Variants in PAMR1 observed in about 807,000 individuals in gnomAD.
PAMR1 encodes peptidase domain containing associated with muscle regeneration 1, also known as inactive serine protease PAMR1.
A neutral mutation model predicts 81.8 loss-of-function variants in PAMR1; 88 were observed. That is an observed-to-expected ratio of 1.08 (90% CI 0.91 to 1.28). The LOEUF is 1.28. Among genes scored for constraint, PAMR1 ranks in the 50% most tolerant of loss-of-function variants. The probability of loss-of-function intolerance (pLI) is 0.00; values close to 1 mark genes in which losing one functional copy is unlikely to be tolerated. For missense variants in PAMR1, 935 were observed against 919.7 expected, an observed-to-expected ratio of 1.02 and a Z score of -0.21; for synonymous variants, 336 against 345.3, an observed-to-expected ratio of 0.97 and a Z score of 0.30.
In PAMR1 at chr11:35,497,057, C is replaced by G. The variant is rs528585935; in HGVS notation, c.74-2785G>C. On this transcript the variant is annotated intron_variant, in intron 1 of 10. Transcript: ENST00000619888. Reference sequence around the variant, plus strand: ...TGGTGCACACCTGTAATCCCAGCTACTTAGGAGGCTGAGGCACGAGAATCG... The same window carrying G: ...TGGTGCACACCTGTAATCCCAGCTAGTTAGGAGGCTGAGGCACGAGAATCG... 5.3e-5 allele frequency among the ~76,000 whole-genome samples: 8 copies of G among 152,198 alleles called. No individual in the cohort carries two copies. The South Asian group carries it at 1.7e-3, about 32-fold the overall frequency.
intron 3 of PAMR1, among the ~76,000 whole-genome samples, chr11:35,482,195 CTTGAG>C (rs1396497295): frequency 2.6e-5 from 4 of 152,118 alleles, no homozygotes; most frequent in Admixed American, 2.6e-4. Flanking sequence ...TTTAATCCAC[CTTGAG>C]TTAATTTTTG....
In PAMR1 at chr11:35,448,933, A is replaced by G. The variant is rs115331007; in HGVS notation, c.821-7240T>C. 3.1e-3 allele frequency among the ~76,000 whole-genome samples: 468 copies of G among 152,182 alleles called. 1 individual carries two copies. The highest frequency in any genetic ancestry group is 0.011 in the African/African-American group (440 of 41,526). ...TTGCTGGAGGTCCACTCCAGACTCT[A>G]TTCACCTGGGTCCCTCCCACACCTG... On this transcript the variant is annotated intron_variant, in intron 6 of 10. Transcript: ENST00000619888.
At chr11:35,520,764 C>G (rs1851256311) in intron 1 of PAMR1, among the ~76,000 whole-genome samples, 1 of 152,186 alleles carries the variant, frequency 6.6e-6, no homozygotes, top group African/African-American at 2.4e-5. Context: ...TTTGCTTACA[C>G]CCCAAATCAA....
intron 6 of PAMR1, among the ~76,000 whole-genome samples, chr11:35,453,082 A>G (rs1260899758): frequency 6.6e-6 from 1 of 152,194 alleles, no homozygotes; most frequent in African/African-American, 2.4e-5. Context: ...AAAATTACAT[A>G]ATGTCCCCAA....
At chr11:35,458,048 T>G (rs1258655015) in intron 6 of PAMR1, among the ~76,000 whole-genome samples, 1 of 152,186 alleles carries the variant, frequency 6.6e-6, no homozygotes, top group Admixed American at 6.5e-5. Flanking sequence ...TGGGTTAGCA[T>G]GCACAGAAAT....
intron 6 of PAMR1, among the ~76,000 whole-genome samples, chr11:35,444,200 T>C (rs1206261783): frequency 6.6e-6 from 1 of 152,198 alleles, no homozygotes; most frequent in East Asian, 1.9e-4. Flanking sequence ...GGGATTTTTT[T>C]TTCTTGTAAA....
chr11:35,471,788 G>T (rs1404051187), intron 4 of PAMR1, among the ~76,000 whole-genome samples: 4 of 152,136 alleles, frequency 2.6e-5, no homozygotes, highest in African/African-American at 9.7e-5. Context: ...GGCAAGAGAG[G>T]CAAAAGCATT....
At chr11:35,437,383 C>T (rs1403746309) in intron 8 of PAMR1, among the ~76,000 whole-genome samples, 1 of 152,238 alleles carries the variant, frequency 6.6e-6, no homozygotes, top group East Asian at 1.9e-4. Flanking sequence ...GGTGTCCCCC[C>T]AATACCAATA....
intron 3 of PAMR1, among the ~76,000 whole-genome samples, chr11:35,485,217 T>C (rs1850476177): frequency 6.6e-6 from 1 of 151,792 alleles, no homozygotes; most frequent in Non-Finnish European, 1.5e-5. Flanking sequence ...AATCTAAGCA[T>C]CAAAAGAAAA....
intron 6 of PAMR1, among the ~76,000 whole-genome samples, chr11:35,457,688 A>C (rs1237534636): frequency 6.6e-6 from 1 of 152,138 alleles, no homozygotes; most frequent in Non-Finnish European, 1.5e-5. Flanking sequence ...TTTAGGTGAC[A>C]ATCTTAGGAA....
intron 8 of PAMR1, among the ~76,000 whole-genome samples, chr11:35,439,270 C>T (rs1236674435): frequency 2.6e-5 from 4 of 152,200 alleles, no homozygotes; most frequent in Non-Finnish European, 4.4e-5. Flanking sequence ...CTGTGTTTAA[C>T]AGAAATGTCA....
At chr11:35,471,330 G>A (rs1398746384) in intron 4 of PAMR1, among the ~76,000 whole-genome samples, 1 of 152,214 alleles carries the variant, frequency 6.6e-6, no homozygotes, top group Non-Finnish European at 1.5e-5. Context: ...CTTGAAGGCA[G>A]AGAGGAACAC....
intron 3 of PAMR1, among the ~76,000 whole-genome samples, chr11:35,491,382 G>A (rs1358860777): frequency 6.6e-6 from 1 of 152,228 alleles, no homozygotes; most frequent in Admixed American, 6.5e-5. Flanking sequence ...TCTGATTCAA[G>A]TTGGAAGCAT....
At chr11:35,489,359 T>G (rs10768140) in intron 3 of PAMR1, among the ~76,000 whole-genome samples, 82,645 of 152,056 alleles carry the variant, frequency 0.54, 26,299 homozygotes, top group Non-Finnish European at 0.7. Context: ...CTCTTGAGAT[T>G]CCTTACCCCA....
At chr11:35,514,217 G>A (rs1342968640) in intron 1 of PAMR1, among the ~76,000 whole-genome samples, 1 of 152,128 alleles carries the variant, frequency 6.6e-6, no homozygotes, top group Non-Finnish European at 1.5e-5. Context: ...TGAGCATAAA[G>A]GGTTTTTGAA....
chr11:35,518,647 T>C (rs1207543959), intron 1 of PAMR1, among the ~76,000 whole-genome samples: 3 of 151,530 alleles, frequency 2.0e-5, no homozygotes, highest in African/African-American at 7.3e-5. Context: ...TGTCTTTTTT[T>C]CCCTTATACC....
upstream of PAMR1, among the ~76,000 whole-genome samples, chr11:35,526,690 G>A (rs1472299801): frequency 6.6e-6 from 1 of 152,198 alleles, no homozygotes; most frequent in Non-Finnish European, 1.5e-5. Flanking sequence ...ACAGGCTATA[G>A]TCTTAGCCAC....
intron 1 of PAMR1, among the ~76,000 whole-genome samples, chr11:35,502,599 G>A (rs1359117479): frequency 6.6e-6 from 1 of 152,086 alleles, no homozygotes; most frequent in African/African-American, 2.4e-5. Context: ...CTCGTTCCTT[G>A]TTATGGCTGC....
At chr11:35,499,019 C>A (rs927404) in intron 1 of PAMR1, among the ~76,000 whole-genome samples, 44,228 of 152,190 alleles carry the variant, frequency 0.29, 7,637 homozygotes, top group Non-Finnish European at 0.38. Context: ...CCACATCAAA[C>A]CTGTTCACCA....
Sources: allele counts gnomAD v4.1 joint callset (sites outside exome capture counted in the v4.1 genomes callset), GRCh38; gene constraint gnomAD v4.1.1; transcripts MANE v1.5; gene names NCBI Gene and HGNC (gene_info 2026-07-23, HGNC 2026-07-21).